Variants in CNTN5 observed in about 807,000 individuals in gnomAD.
The protein encoded by CNTN5 is contactin 5.
In CNTN5, 77 loss-of-function variants were observed where a neutral mutation model predicts 129.1. The ratio of observed to expected loss-of-function variants is 0.60; its 90% CI spans 0.50 to 0.72. The LOEUF (loss-of-function observed/expected upper bound fraction) is 0.72. CNTN5 is among the 30% of genes least tolerant of loss of function. The pLI is 0.00. For synonymous variants in CNTN5, 509 were observed against 465.6 expected, an observed-to-expected ratio of 1.09 and a Z score of -1.20; for missense variants, 1,478 against 1,328.8, an observed-to-expected ratio of 1.11 and a Z score of -1.75.
At chr11:99,292,954 C>T (rs966026786) in intron 1 of CNTN5, among the ~76,000 whole-genome samples, 2 of 152,270 alleles carry the variant, frequency 1.3e-5, no homozygotes, top group Middle Eastern at 3.4e-3. Flanking sequence ...AAATCCTTCA[C>T]AAATGAAAGT....
chr11:99,474,297 C>G (rs28427147), intron 2 of CNTN5, among the ~76,000 whole-genome samples: 30,001 of 151,650 alleles, frequency 0.2, 3,141 homozygotes, highest in Admixed American at 0.24. Flanking sequence ...CAAAATTTTC[C>G]TAAAACCATC....
intron 1 of CNTN5, among the ~76,000 whole-genome samples, chr11:99,096,248 C>G (rs1452888397): frequency 6.6e-6 from 1 of 151,626 alleles, no homozygotes; most frequent in Non-Finnish European, 1.5e-5. Context: ...GTAAAAATGC[C>G]TAATTTAGGA....
At chr11:99,182,732 C>T (rs554173349) in intron 1 of CNTN5, among the ~76,000 whole-genome samples, 20 of 152,224 alleles carry the variant, frequency 1.3e-4, no homozygotes, top group East Asian at 9.6e-4. Context: ...TTTATTTAGT[C>T]GTCAAGCCAG....
intron 1 of CNTN5, among the ~76,000 whole-genome samples, chr11:99,023,386 G>A (rs1222474810): frequency 1.3e-5 from 2 of 152,184 alleles, no homozygotes; most frequent in Admixed American, 6.5e-5. Context: ...CACTTTCAGG[G>A]TAGAGGTAGG....
intron 1 of CNTN5, among the ~76,000 whole-genome samples, chr11:99,234,562 T>G (rs994179002): frequency 6.6e-6 from 1 of 152,218 alleles, no homozygotes; most frequent in African/African-American, 2.4e-5. Flanking sequence ...TGAAATAATT[T>G]GTTTTGTGAG....
chr11:99,703,892 G>T (rs553809801), intron 3 of CNTN5, among the ~76,000 whole-genome samples: 87 of 151,128 alleles, frequency 5.8e-4, no homozygotes, highest in Admixed American at 9.3e-4. Flanking sequence ...TATATAAAAT[G>T]TATGATATAT....
intron 1 of CNTN5, among the ~76,000 whole-genome samples, chr11:99,291,381 C>G (rs1049084423): frequency 1.3e-5 from 2 of 151,696 alleles, no homozygotes; most frequent in Non-Finnish European, 1.5e-5. Flanking sequence ...GGTAGATAAA[C>G]ATAATATTAA....
intron 3 of CNTN5, among the ~76,000 whole-genome samples, chr11:99,652,841 TA>T (rs1157871676): frequency 1.3e-5 from 2 of 152,168 alleles, no homozygotes; most frequent in Admixed American, 6.6e-5. Context: ...AGTACCTTTC[TA>T]AAGTCTAAAC....
chr11:99,585,938 A>C (rs544282786), intron 3 of CNTN5, among the ~76,000 whole-genome samples: 3 of 152,226 alleles, frequency 2.0e-5, no homozygotes, highest in African/African-American at 7.2e-5. Context: ...TTGTAAAATA[A>C]ATTGTTCTTT....
At chr11:100,091,751 C>T (rs563545238) in intron 13 of CNTN5, among the ~76,000 whole-genome samples, 17 of 152,096 alleles carry the variant, frequency 1.1e-4, no homozygotes, top group African/African-American at 3.9e-4. Context: ...TTATTTGTCT[C>T]ACTAACTAAA....
intron 4 of CNTN5, among the ~76,000 whole-genome samples, chr11:99,840,094 C>A (rs759445069): frequency 6.6e-5 from 10 of 152,012 alleles, no homozygotes; most frequent in Non-Finnish European, 1.5e-4. Context: ...TGCATAAAAT[C>A]TGGTCACTTA....
intron 2 of CNTN5, among the ~76,000 whole-genome samples, chr11:99,479,461 C>A (rs375802570): frequency 1.3e-5 from 2 of 151,778 alleles, no homozygotes; most frequent in Non-Finnish European, 2.9e-5. Flanking sequence ...GCTTTAAAAC[C>A]CTTGTAAACA....
At chr11:99,336,417 C>T (rs979063025) in intron 2 of CNTN5, among the ~76,000 whole-genome samples, 9 of 152,066 alleles carry the variant, frequency 5.9e-5, no homozygotes, top group African/African-American at 1.7e-4. Context: ...AATACTATTA[C>T]TGTGAAATAG....
chr11:99,980,281 G>C (rs1289419427), intron 8 of CNTN5, among the ~76,000 whole-genome samples: 3 of 152,170 alleles, frequency 2.0e-5, no homozygotes, highest in Non-Finnish European at 4.4e-5. Flanking sequence ...AGACTTCATA[G>C]ATTATATGTG....
At chr11:99,194,896 A>G (rs1858824632) in intron 1 of CNTN5, among the ~76,000 whole-genome samples, 1 of 152,144 alleles carries the variant, frequency 6.6e-6, no homozygotes, top group Non-Finnish European at 1.5e-5. Flanking sequence ...TGAGCCACCA[A>G]GGCTGGCCCC....
chr11:99,568,021 G>A (rs1239622430), intron 3 of CNTN5, among the ~76,000 whole-genome samples: 1 of 152,066 alleles, frequency 6.6e-6, no homozygotes, highest in East Asian at 1.9e-4. Context: ...AGAAATAAGA[G>A]CAAATTTGTG....
chr11:100,055,281 C>T (rs1434862174), intron 9 of CNTN5, among the ~76,000 whole-genome samples: 1 of 151,620 alleles, frequency 6.6e-6, no homozygotes, highest in Non-Finnish European at 1.5e-5. Context: ...TAGCTTATGA[C>T]TTCTTTTTTT....
intron 15 of CNTN5, among the ~76,000 whole-genome samples, chr11:100,212,079 T>C (rs1421332128): frequency 1.3e-5 from 2 of 152,158 alleles, no homozygotes; most frequent in Non-Finnish European, 2.9e-5. Flanking sequence ...TCCTTCTGTA[T>C]TTTACTCTGT....
At position 99,523,644 on chromosome 11, in the gene CNTN5, TAGAATAGAACAGAACAGATCAGAAC is replaced by T. The variant is rs1280575565; in HGVS notation, c.-70-32496_-70-32472del. On this transcript the variant is annotated intron_variant, in intron 2 of 24. Transcript: ENST00000524871. Reference sequence around the variant, plus strand: ...TAGAATAGAATAGAATAGAATAGAATAGAATAGAACAGAACAGATCAGAACAGAACAGAACAGAACAGAACAGAAC... The same window carrying T: ...TAGAATAGAATAGAATAGAATAGAATAGAACAGAACAGAACAGAACAGAAC... 9.0e-3 allele frequency among the ~76,000 whole-genome samples: 741 copies of T among 82,040 alleles called. 8 individuals are homozygous for T. Among genetic ancestry groups the T allele is most frequent in the African/African-American group, 0.032 (695 of 21,872 alleles). 53.8% of individuals were successfully genotyped at this position (82,040 alleles called of 152,430 possible).
Sources: allele counts gnomAD v4.1 joint callset (sites outside exome capture counted in the v4.1 genomes callset), GRCh38; gene constraint gnomAD v4.1.1; transcripts MANE v1.5; gene names NCBI Gene and HGNC (gene_info 2026-07-23, HGNC 2026-07-21).